The following RBL2 variants were observed in gnomAD, a reference collection of about 807,000 sequenced individuals.
RBL2 encodes the protein retinoblastoma-like protein 2.
In RBL2, 56 loss-of-function variants were observed where a neutral mutation model predicts 126.0. That is an observed-to-expected ratio of 0.44 (90% confidence interval 0.36 to 0.56). The LOEUF is 0.56. Among genes scored for constraint, RBL2 ranks in the 20% least tolerant of loss-of-function variants. The pLI, the probability that RBL2 is intolerant of heterozygous loss-of-function variation, is 0.00. For missense variants in RBL2, 1,229 were observed against 1,398.2 expected, an observed-to-expected ratio of 0.88 and a Z score of 1.93; for synonymous variants, 454 against 478.5, an observed-to-expected ratio of 0.95 and a Z score of 0.67.
intron 2 of RBL2, among the ~76,000 whole-genome samples, chr16:53,439,911 A>AGCACT (rs2153137786): frequency 6.8e-6 from 1 of 147,104 alleles, no homozygotes; most frequent in Non-Finnish European, 1.5e-5. Context: ...ATGATGGAGC[A>AGCACT]GCACTGCACT....
At chr16:53,438,039 AAAT>A (rs1188445056) in intron 1 of RBL2, among the ~76,000 whole-genome samples, 1 of 152,128 alleles carries the variant, frequency 6.6e-6, no homozygotes, top group Non-Finnish European at 1.5e-5. Flanking sequence ...AAAAAATAAA[AAAT>A]AAATAAAAAT....
chr16:53,454,016 A>G (rs1335838333), intron 7 of RBL2, among the ~76,000 whole-genome samples: 2 of 152,198 alleles, frequency 1.3e-5, no homozygotes, highest in East Asian at 1.9e-4. Flanking sequence ...TTTTGGAACT[A>G]TATGGGTGAA....
intron 9 of RBL2, among the ~76,000 whole-genome samples, chr16:53,461,090 T>C (rs2058215050): frequency 6.6e-6 from 1 of 152,144 alleles, no homozygotes; most frequent in African/African-American, 2.4e-5. Flanking sequence ...GGGAAATAGT[T>C]AAGGGCAAGT....
intron 10 of RBL2, 49 bp downstream of exon 10, chr16:53,461,899 A>G: frequency 6.8e-7 from 1 of 1,466,004 alleles, no homozygotes. Flanking sequence ...GTTTAACTAA[A>G]TGGAGTCATT....
In RBL2 at chr16:53,459,547, T is replaced by C; in HGVS notation, c.1276T>C (p.Leu426=). The C allele has an allele frequency of 1.2e-6, 2 of 1,609,828 alleles. No individual in the cohort carries two copies. The highest frequency in any genetic ancestry group is 2.2e-5 in the East Asian group (1 of 44,764). Residue 426 remains leucine, a synonymous_variant, in exon 9 of 22, where the codon TTG becomes CTG. Transcript: ENST00000262133. ...TCCAGTTTCTACAGCTACGCATAGC[T>C]TGAGTCGTCTTCACACCATGCTGAC... is the stretch of plus-strand genomic sequence containing the variant. ...VTPVSTATHS[L]SRLHTMLTGL... is the part of the protein sequence containing the mutation.
At chr16:53,488,549 C>T (rs1178749097) in intron 21 of RBL2, 7 of 151,996 alleles carry the variant, frequency 4.6e-5, no homozygotes, top group African/African-American at 1.5e-4. Flanking sequence ...CTGAAACTTA[C>T]GGGGAGAATA....
At chr16:53,439,271 A>G (rs1357459616) in intron 2 of RBL2, 125 bp downstream of exon 2, 4 of 795,544 alleles carry the variant, frequency 5.0e-6, no homozygotes, top group South Asian at 4.1e-5. Flanking sequence ...GTGAAATTAG[A>G]TGCTAAAACT....
intron 1 of RBL2, among the ~76,000 whole-genome samples, chr16:53,436,244 T>G (rs1406501067): frequency 1.3e-5 from 2 of 152,200 alleles, no homozygotes; most frequent in African/African-American, 4.8e-5. Flanking sequence ...AAGATAATCC[T>G]GTAAATCAGA....
intron 3 of RBL2, among the ~76,000 whole-genome samples, chr16:53,445,121 G>A (rs2058049816): frequency 6.6e-6 from 1 of 152,080 alleles, no homozygotes; most frequent in African/African-American, 2.4e-5. Context: ...GAGCCCAGGA[G>A]TTTGAGACCA....
intron 8 of RBL2, among the ~76,000 whole-genome samples, 183 bp downstream of exon 8, chr16:53,455,025 C>T (rs1304229782): frequency 6.6e-6 from 1 of 152,104 alleles, no homozygotes; most frequent in East Asian, 1.9e-4. Context: ...TATCAACTTT[C>T]ATTCATTTTA....
chr16:53,440,043 C>A (rs1194027096), intron 2 of RBL2, among the ~76,000 whole-genome samples: 1 of 151,274 alleles, frequency 6.6e-6, no homozygotes, highest in East Asian at 1.9e-4. Context: ...TCCCAGTAAT[C>A]CCAGCACTTT....
Position 53,434,532 on chromosome 16 carries a change from A to C in RBL2, c.-25A>C. ...CGGGCCCGGGCCCTCACCTCACCTG[A>C]GGTCCGGCCGCCCAGGGGTGCGCTA... On this transcript the variant is annotated 5_prime_UTR_variant, in exon 1 of 22. The change abolishes the stop of an existing upstream ORF in the 5' untranslated region. Coordinates refer to ENST00000262133, the MANE Select transcript of RBL2 (RefSeq NM_005611.4). The C allele has an allele frequency of 7.0e-7, 1 of 1,427,774 alleles. No homozygotes were observed. Among genetic ancestry groups the C allele is most frequent in the East Asian group, 2.8e-5 (1 of 35,700 alleles). The allele number at this position is 1,427,774 out of a possible 1,614,324, so 88.4% of individuals were successfully genotyped here.
rs908068422 is a variant in RBL2 at position 53,460,740 on chromosome 16, T to G, written c.1347-1001T>G. Among the ~76,000 whole-genome samples, 14 of 152,302 alleles carry G rather than the reference T, an allele frequency of 9.2e-5. 1 individual carries two copies. The highest frequency in any genetic ancestry group is 6.2e-4 in the South Asian group (3 of 4,824). On this transcript the variant is annotated intron_variant, in intron 9 of 21. Transcript: ENST00000262133. ...CAGAAAAATTCTGCTTGTATATGTATTCAGTAGTTATCTCTAGCAGGACTG... is the reference window on the plus strand; with the variant it reads ...CAGAAAAATTCTGCTTGTATATGTAGTCAGTAGTTATCTCTAGCAGGACTG...
intron 7 of RBL2, chr16:53,454,097 A>G: frequency 2.5e-6 from 1 of 407,492 alleles, no homozygotes; most frequent in Non-Finnish European, 4.7e-6. Context: ...TAAGCTTCTC[A>G]CCGGAAGTTG....
Position 53,479,890 on chromosome 16 carries a change from A to G in RBL2, c.2780A>G (p.Tyr927Cys). The stretch of plus-strand genomic sequence containing the variant: ...CTTCTCATTGTTTCTCTAAAGGTGT[A>G]TAGAAGTGTTTTGATAAAAGGGAAA... Reference protein sequence around the residue: ...RTQPQARSQVYRSVLIKGKRK... With the variant: ...RTQPQARSQVCRSVLIKGKRK... Residue 927 changes from tyrosine to cysteine, a missense_variant, in exon 19 of 22, where the codon TAT becomes TGT. Physicochemically the swap from Tyr to Cys is radical, Grantham distance 194 (BLOSUM62 -2). This residue lies in a region of RBL2 where 1,070 missense variants were observed against 1,274.3 expected (regional missense o/e 0.84). Coordinates refer to ENST00000262133, the MANE Select transcript of RBL2 (RefSeq NM_005611.4). 3 of 1,590,932 alleles carry G rather than the reference A, an allele frequency of 1.9e-6. No homozygotes were observed. In the South Asian group the frequency reaches 3.3e-5, roughly 18 times the overall value.
intron 4 of RBL2, among the ~76,000 whole-genome samples, chr16:53,447,487 G>T (rs890871152): frequency 6.6e-6 from 1 of 152,026 alleles, no homozygotes; most frequent in African/African-American, 2.4e-5. Flanking sequence ...GAGCTGTTCA[G>T]ATTTTTTTTT....
At chr16:53,471,277 T>C (rs1192756199) in intron 17 of RBL2, among the ~76,000 whole-genome samples, 1 of 152,236 alleles carries the variant, frequency 6.6e-6, no homozygotes, top group Non-Finnish European at 1.5e-5. Context: ...AATGGGCTGC[T>C]GGGTCATACA....
At chr16:53,439,954 CAAAAAA>C (rs10591959) in intron 2 of RBL2, among the ~76,000 whole-genome samples, 48,114 of 92,876 alleles carry the variant, frequency 0.52, 10,061 homozygotes, top group Middle Eastern at 0.63. Context: ...ACCTTGTCTC[CAAAAAA>C]AAAAAAAAAA....
intron 21 of RBL2, among the ~76,000 whole-genome samples, chr16:53,486,368 A>G (rs1961176933): frequency 2.0e-5 from 3 of 152,174 alleles, no homozygotes; most frequent in African/African-American, 7.2e-5. Flanking sequence ...ATACAAACTA[A>G]TAAAACTCAA....
Sources: allele counts gnomAD v4.1 joint callset (sites outside exome capture counted in the v4.1 genomes callset), GRCh38; gene constraint gnomAD v4.1.1; regional missense constraint gnomAD v4.1.1; transcripts MANE v1.5; gene names NCBI Gene and HGNC (gene_info 2026-07-23, HGNC 2026-07-21).